Variants in PTPN4 observed in about 807,000 individuals in gnomAD.
The protein encoded by PTPN4 is protein tyrosine phosphatase non-receptor type 4.
In PTPN4, 49 loss-of-function variants were observed where a neutral mutation model predicts 135.5. That is an observed-to-expected ratio of 0.36 (90% CI 0.29 to 0.46). PTPN4 has a LOEUF of 0.46. Among genes scored for constraint, PTPN4 ranks in the 20% least tolerant of loss-of-function variants. The pLI, the probability that PTPN4 is intolerant of heterozygous loss-of-function variation, is 1.00. For synonymous variants in PTPN4, 333 were observed against 369.9 expected (o/e 0.90, Z 1.14); for missense variants, 860 against 1,101.0 (o/e 0.78, Z 3.10).
intron 10 of PTPN4, among the ~76,000 whole-genome samples, chr2:119,905,894 A>T (rs1441366054): frequency 6.6e-6 from 1 of 152,026 alleles, no homozygotes; most frequent in Non-Finnish European, 1.5e-5. Context: ...AGGCAGAAAT[A>T]AAAAAAATTA....
At position 119,926,583 on chromosome 2, in the gene PTPN4, A is replaced by G; in HGVS notation, c.1002-15A>G. The G allele has an allele frequency of 6.4e-7, 1 of 1,550,402 alleles. No individual in the cohort carries two copies. Among genetic ancestry groups the G allele is most frequent in the Non-Finnish European group, 8.8e-7 (1 of 1,133,300 alleles). On this transcript the variant is annotated splice_polypyrimidine_tract_variant and intron_variant, in intron 12 of 26. Coordinates refer to ENST00000263708, the MANE Select transcript of PTPN4 (RefSeq NM_002830.4). ...CTCTTAAGACTTTATTGTTGTGCATATTTATATATTTCAGTGGGAGAACTG... is the reference window on the plus strand; with the variant it reads ...CTCTTAAGACTTTATTGTTGTGCATGTTTATATATTTCAGTGGGAGAACTG...
chr2:119,965,890 C>T (rs1374083676), intron 25 of PTPN4, among the ~76,000 whole-genome samples: 1 of 152,148 alleles, frequency 6.6e-6, no homozygotes, highest in Non-Finnish European at 1.5e-5. Context: ...ATTTTAACAC[C>T]TCTGAAATTG....
chr2:119,848,521 CCTT>C (rs1391675900), intron 2 of PTPN4, among the ~76,000 whole-genome samples: 7 of 151,914 alleles, frequency 4.6e-5, no homozygotes, highest in Non-Finnish European at 1.0e-4. Context: ...TCTCTCCTCT[CCTT>C]CTGGTACTGT....
Position 119,952,123 on chromosome 2 carries a change from C to T in PTPN4, c.1807C>T (p.Pro603Ser). ...TGGGGAACTCATGCTTCTAGTTCGA[C>T]CTAATGGTGAGTACTCTATGTAGTA... ...HSGELMLLVRPNAVYDVVEEK... is the reference protein window; with the variant it reads ...HSGELMLLVRSNAVYDVVEEK... The change falls in exon 19 of 27, where the codon CCT becomes TCT. Residue 603 changes from proline (P) to serine (S), a missense_variant. Physicochemically the swap from Pro to Ser is moderately conservative, Grantham distance 74. Around this residue, in one of 2 missense-constraint regions of PTPN4, gnomAD observed 684 missense variants for 807.0 expected, o/e 0.85. Transcript: ENST00000263708. 6.2e-7 allele frequency: 1 copy of T among 1,611,262 alleles called. No individual in the cohort carries two copies. The highest frequency in any genetic ancestry group is 8.5e-7 in the Non-Finnish European group (1 of 1,177,870).
At chr2:119,891,077 A>G (rs766863673) in intron 9 of PTPN4, among the ~76,000 whole-genome samples, 5 of 152,246 alleles carry the variant, frequency 3.3e-5, no homozygotes, top group Middle Eastern at 6.8e-3. Context: ...ACCTCTTTAC[A>G]TTATTATCTG....
At chr2:119,924,935 T>C (rs1002905667) in intron 12 of PTPN4, among the ~76,000 whole-genome samples, 1 of 152,120 alleles carries the variant, frequency 6.6e-6, no homozygotes, top group African/African-American at 2.4e-5. Context: ...GGTGGAAACA[T>C]GGTTATGGAG....
intron 2 of PTPN4, among the ~76,000 whole-genome samples, chr2:119,856,233 C>T (rs1285738615): frequency 6.6e-6 from 1 of 152,184 alleles, no homozygotes; most frequent in Non-Finnish European, 1.5e-5. Flanking sequence ...TTAGATCGCT[C>T]CTGTTGCGTT....
At chr2:119,768,848 C>A (rs146830016) in intron 1 of PTPN4, among the ~76,000 whole-genome samples, 4 of 152,184 alleles carry the variant, frequency 2.6e-5, no homozygotes, top group African/African-American at 9.6e-5. Flanking sequence ...GGTGCTATTC[C>A]CAGTTTTAAA....
intron 3 of PTPN4, among the ~76,000 whole-genome samples, chr2:119,863,209 G>T (rs1202425144): frequency 6.6e-6 from 1 of 151,912 alleles, no homozygotes; most frequent in Non-Finnish European, 1.5e-5. Flanking sequence ...TCACATCATA[G>T]AAATAGAAGA....
intron 1 of PTPN4, among the ~76,000 whole-genome samples, chr2:119,802,378 A>G (rs1691393985): frequency 1.3e-5 from 2 of 152,140 alleles, no homozygotes; most frequent in Admixed American, 6.5e-5. Flanking sequence ...ATTATGTTGA[A>G]GAAGATCCCT....
At chr2:119,949,539 C>T (rs1679182099) in intron 18 of PTPN4, among the ~76,000 whole-genome samples, 1 of 152,042 alleles carries the variant, frequency 6.6e-6, no homozygotes, top group Non-Finnish European at 1.5e-5. Context: ...TGCAACAAAA[C>T]TCATTTTAAC....
At chr2:119,838,832 C>G (rs1353998898) in intron 2 of PTPN4, among the ~76,000 whole-genome samples, 2 of 152,238 alleles carry the variant, frequency 1.3e-5, no homozygotes, top group Non-Finnish European at 2.9e-5. Flanking sequence ...TTATCATTCA[C>G]TCATTCAGTT....
chr2:119,933,083 G>A (rs542582781), intron 14 of PTPN4, among the ~76,000 whole-genome samples: 2 of 152,212 alleles, frequency 1.3e-5, no homozygotes, highest in South Asian at 2.1e-4. Context: ...AGCACTTACC[G>A]TATATGTACT....
At chr2:119,881,332 T>C (rs1678074534) in intron 5 of PTPN4, among the ~76,000 whole-genome samples, 1 of 152,220 alleles carries the variant, frequency 6.6e-6, no homozygotes, top group Non-Finnish European at 1.5e-5. Flanking sequence ...CATCTGATGA[T>C]AAAATGATCA....
chr2:119,907,843 T>C lies in PTPN4; in HGVS notation c.764+7037T>C, dbSNP rs563620488. Among the ~76,000 whole-genome samples, 3 of 152,056 alleles carry C rather than the reference T, an allele frequency of 2.0e-5. No individual in the cohort carries two copies. The East Asian group carries it at 5.8e-4, about 29-fold the overall frequency. On this transcript the variant is annotated intron_variant, in intron 10 of 26. Transcript: ENST00000263708. ...AATTTTGACAAAGGCACCTAGAACATAGAGTAGGGAACAGACACCCTTTTC... is the reference window on the plus strand; with the variant it reads ...AATTTTGACAAAGGCACCTAGAACACAGAGTAGGGAACAGACACCCTTTTC...
intron 5 of PTPN4, among the ~76,000 whole-genome samples, 199 bp from the exon 6 acceptor site, chr2:119,881,587 A>G (rs1439096480): frequency 2.0e-5 from 3 of 152,254 alleles, no homozygotes; most frequent in East Asian, 1.9e-4. Flanking sequence ...TACAAATTTC[A>G]TACATCAAAG....
intron 26 of PTPN4, 138 bp from the exon 27 acceptor site, chr2:119,976,846 A>G: frequency 7.0e-7 from 1 of 1,431,928 alleles, no homozygotes; most frequent in Non-Finnish European, 9.2e-7. Context: ...CTGTTAGTGA[A>G]AAATGGTATC....
intron 2 of PTPN4, among the ~76,000 whole-genome samples, chr2:119,815,346 T>C (rs914714245): frequency 2.0e-5 from 3 of 152,220 alleles, no homozygotes; most frequent in African/African-American, 4.8e-5. Flanking sequence ...ACTAGTATTA[T>C]GCATTTAGAA....
Position 119,978,431 on chromosome 2 carries a change from GTTT to G in PTPN4, c.*1366_*1368del. ...CAATAACTAAATTGAGAATTTTCTT[GTTT>G]TTTTGTGTACAATTAAATTATTCCA... On this transcript the variant is annotated 3_prime_UTR_variant, in exon 27 of 27. Transcript: ENST00000263708. 6.6e-6 allele frequency: 1 copy of G among 152,104 alleles called. No individual in the cohort carries two copies. The highest frequency in any genetic ancestry group is 2.1e-4 in the South Asian group (1 of 4,812). 9.4% of individuals were successfully genotyped at this position (152,104 alleles called of 1,614,324 possible).
Sources: gnomAD v4.1 joint callset for allele counts (sites outside exome capture counted in the v4.1 genomes callset) on GRCh38, gnomAD v4.1.1 for gene constraint, gnomAD v4.1.1 regional missense constraint, MANE v1.5 for transcripts, NCBI Gene and HGNC (gene_info 2026-07-23, HGNC 2026-07-21) for gene names.